MPHOSPH9: variants seen among roughly 807,000 people sequenced by gnomAD.
The protein encoded by MPHOSPH9 is M-phase phosphoprotein 9.
A neutral mutation model predicts 145.5 loss-of-function variants in MPHOSPH9; 88 were observed. That is an observed-to-expected ratio of 0.60 (90% CI 0.51 to 0.72). MPHOSPH9 has a LOEUF of 0.72. MPHOSPH9 is among the 30% of genes least tolerant of loss of function. The pLI is 0.00. For missense variants in MPHOSPH9, 1,238 were observed against 1,386.6 expected (o/e 0.89, Z 1.70); for synonymous variants, 435 against 486.2 (o/e 0.89, Z 1.39).
intron 6 of MPHOSPH9, among the ~76,000 whole-genome samples, chr12:123,216,009 G>A (rs1226515356): frequency 3.3e-5 from 5 of 152,050 alleles, no homozygotes; most frequent in East Asian, 1.9e-4. Flanking sequence ...AGGCCAAGGC[G>A]GGCAGATCAC....
At chr12:123,184,137 T>C (rs1213522682) in intron 13 of MPHOSPH9, among the ~76,000 whole-genome samples, 2 of 151,254 alleles carry the variant, frequency 1.3e-5, no homozygotes, top group African/African-American at 4.9e-5. Context: ...GCCCAGGGGT[T>C]TGAAGATGCA....
intron 18 of MPHOSPH9, among the ~76,000 whole-genome samples, chr12:123,164,615 A>C (rs1368153290): frequency 6.6e-6 from 1 of 152,238 alleles, no homozygotes; most frequent in Non-Finnish European, 1.5e-5. Context: ...CACTTCATGA[A>C]TACCAAATGC....
At chr12:123,153,772 A>C (rs1593043286), downstream of MPHOSPH9, among the ~76,000 whole-genome samples, 1 of 29,362 alleles carries the variant, frequency 3.4e-5, no homozygotes. Flanking sequence ...CTCAAAAAAA[A>C]AAAAAAAAAA....
intron 12 of MPHOSPH9, among the ~76,000 whole-genome samples, chr12:123,197,244 G>A (rs1348301147): frequency 1.3e-5 from 2 of 151,624 alleles, no homozygotes; most frequent in Admixed American, 6.6e-5. Context: ...GTGCTGTGGC[G>A]CAATCATGAT....
intron 15 of MPHOSPH9, among the ~76,000 whole-genome samples, chr12:123,177,056 G>A (rs1043378493): frequency 2.6e-5 from 4 of 152,144 alleles, no homozygotes; most frequent in South Asian, 2.1e-4. Flanking sequence ...TGGGCATGGC[G>A]GTGTACACCT....
intron 3 of MPHOSPH9, chr12:123,226,413 G>T: frequency 1.5e-6 from 1 of 658,170 alleles, no homozygotes; most frequent in Non-Finnish European, 2.1e-6. Context: ...AAGATCTAGT[G>T]CTTTCTAAGA....
intron 13 of MPHOSPH9, among the ~76,000 whole-genome samples, chr12:123,193,096 A>AAAAAAT (rs1565931927): frequency 1.1e-5 from 1 of 87,226 alleles, no homozygotes; most frequent in Non-Finnish European, 2.1e-5. Flanking sequence ...AAAAAAAAAA[A>AAAAAAT]ATATATATAT....
rs749204248 is a variant in MPHOSPH9 at position 123,202,266 on chromosome 12, G to A, written c.1835C>T (p.Ala612Val). Residue 612 changes from alanine to valine, a missense_variant, in exon 11 of 24, where the codon GCT (alanine) becomes GTT (valine). Physicochemically the swap from Ala to Val is moderately conservative, Grantham distance 64. Transcript: ENST00000606320. ...KHARHIADLR[A>V]YYESEINSLK... is the part of the protein sequence containing the mutation. Reference sequence around the variant, plus strand: ...ACTATTTATTTCTGATTCATAATAAGCTCGAAGATCTGCTATGTGTCGAGC... The same window carrying A: ...ACTATTTATTTCTGATTCATAATAAACTCGAAGATCTGCTATGTGTCGAGC... The A allele has an allele frequency of 1.6e-5, 25 of 1,612,886 alleles. No individual in the cohort carries two copies. Among genetic ancestry groups the A allele is most frequent in the Non-Finnish European group, 2.1e-5 (25 of 1,179,738 alleles).
At chr12:123,164,567 T>C (rs2044233167) in intron 18 of MPHOSPH9, among the ~76,000 whole-genome samples, 1 of 152,200 alleles carries the variant, frequency 6.6e-6, no homozygotes, top group Non-Finnish European at 1.5e-5. Context: ...TATCTACAGA[T>C]GCTCAGTAAC....
Position 123,210,082 on chromosome 12 carries a change from A to T in MPHOSPH9, c.1168T>A (p.Ser390Thr). The T allele has an allele frequency of 1.2e-6, 2 of 1,611,142 alleles. No individual in the cohort carries two copies. Among genetic ancestry groups the T allele is most frequent in the South Asian group, 2.2e-5 (2 of 90,538 alleles). ...ETLEKTFISL[S>T]STDVSPNQSN... ...TGGTTTGGTGACACATCTGTGGAAG[A>T]CAATGATATGAACGTCTTCTCTAAA... is the stretch of plus-strand genomic sequence containing the variant. The change falls in exon 8 of 24, where the codon TCT (serine) becomes ACT (threonine). Residue 390 changes from serine to threonine, a missense_variant. By Grantham distance (58) the Ser-to-Thr change is moderately conservative. Transcript: ENST00000606320.
Position 123,194,378 on chromosome 12 carries a change from C to A in MPHOSPH9, c.2241+8G>T. 1 of 1,546,410 alleles carries A rather than the reference C, an allele frequency of 6.5e-7. No homozygotes were observed. The highest frequency in any genetic ancestry group is 8.8e-7 in the Non-Finnish European group (1 of 1,135,390). ...CACGTCATTAAGTTACTATTATTCGCTACTTACATCTTGAAACATTTTGTT... is the reference window on the plus strand; with the variant it reads ...CACGTCATTAAGTTACTATTATTCGATACTTACATCTTGAAACATTTTGTT... On this transcript the variant is annotated splice_region_variant and intron_variant, in intron 13 of 23. Coordinates refer to ENST00000606320, the MANE Select transcript of MPHOSPH9 (RefSeq NM_022782.4).
intron 23 of MPHOSPH9, among the ~76,000 whole-genome samples, chr12:123,157,881 TTAGAA>T (rs2137833757): frequency 6.6e-6 from 1 of 152,242 alleles, no homozygotes; most frequent in East Asian, 1.9e-4. Flanking sequence ...TATAGAACAC[TTAGAA>T]TATAGAAAAT....
chr12:123,221,376 T>C lies in MPHOSPH9; in HGVS notation c.868A>G (p.Asn290Asp). The C allele has an allele frequency of 6.4e-7, 1 of 1,571,420 alleles. No individual in the cohort carries two copies. The highest frequency in any genetic ancestry group is 8.6e-7 in the Non-Finnish European group (1 of 1,162,548). The change falls in exon 5 of 24, where the codon AAT becomes GAT. Residue 290 changes from asparagine to aspartate, a missense_variant. Around this residue, in one of 3 missense-constraint regions of MPHOSPH9, gnomAD observed 837 missense variants for 897.5 expected, o/e 0.93. Coordinates refer to ENST00000606320, the MANE Select transcript of MPHOSPH9 (RefSeq NM_022782.4). Reference protein sequence around the residue: ...KVSEVYSGKTNSNAITSWAQK... With the variant: ...KVSEVYSGKTDSNAITSWAQK... ...AATGATAGAAATTCTACTTACCTAT[T>C]TGTTTTCCCACTGTATACTTCAGAA...
At chr12:123,176,619 T>C (rs759567868) in intron 16 of MPHOSPH9, 69 bp downstream of exon 16, 147 of 1,147,762 alleles carry the variant, frequency 1.3e-4, no homozygotes, top group Non-Finnish European at 1.7e-4. Flanking sequence ...TTTAGACAGA[T>C]GAGTTTCTCG....
chr12:123,152,601 T>A (rs2043796926), downstream of MPHOSPH9: 1 of 456,550 alleles, frequency 2.2e-6, no homozygotes, highest in Admixed American at 2.4e-5. Flanking sequence ...CATTTATGGC[T>A]TGATTCCTCA....
intron 13 of MPHOSPH9, among the ~76,000 whole-genome samples, chr12:123,185,261 C>A (rs1335561676): frequency 6.6e-6 from 1 of 150,406 alleles, no homozygotes; most frequent in African/African-American, 2.5e-5. Flanking sequence ...GAAATAACAA[C>A]ATTAGATTCA....
Position 123,155,008 on chromosome 12 carries a change from A to C in MPHOSPH9, c.*1799T>G, listed in dbSNP as rs2043832856. The C allele has an allele frequency of 7.0e-6, 1 of 141,858 alleles. No individual in the cohort carries two copies. The highest frequency in any genetic ancestry group is 2.2e-4 in the East Asian group (1 of 4,566). 8.8% of individuals were successfully genotyped at this position (141,858 alleles called of 1,614,324 possible). ...CATCTCTACTAAAAAAAAAAAAAAG[A>C]TATATACATACACACACACACATAG... On this transcript the variant is annotated 3_prime_UTR_variant, in exon 24 of 24. Coordinates refer to ENST00000606320, the MANE Select transcript of MPHOSPH9 (RefSeq NM_022782.4).
At chr12:123,185,342 A>G (rs911875510) in intron 13 of MPHOSPH9, among the ~76,000 whole-genome samples, 9 of 151,958 alleles carry the variant, frequency 5.9e-5, no homozygotes, top group African/African-American at 2.2e-4. Context: ...AAAAAAAAAA[A>G]TATTGTTACA....
At chr12:123,176,843 T>G in intron 15 of MPHOSPH9, 54 bp from the exon 16 acceptor site, 2 of 1,343,180 alleles carry the variant, frequency 1.5e-6, no homozygotes, top group Non-Finnish European at 2.1e-6. Flanking sequence ...ATGTAAAATA[T>G]AGCTCAACCA....
Sources: gnomAD v4.1 joint callset for allele counts (sites outside exome capture counted in the v4.1 genomes callset) on GRCh38, gnomAD v4.1.1 for gene constraint, gnomAD v4.1.1 regional missense constraint, MANE v1.5 for transcripts, NCBI Gene and HGNC (gene_info 2026-07-23, HGNC 2026-07-21) for gene names.